The following SSBP2 variants were observed in gnomAD, a reference collection of about 807,000 sequenced individuals.
SSBP2 encodes single-stranded DNA-binding protein 2.
SSBP2 carries 17 observed loss-of-function variants against 61.8 expected under a neutral mutation model. That is an observed-to-expected ratio of 0.28 (90% CI 0.19 to 0.41). The LOEUF (loss-of-function observed/expected upper bound fraction) is 0.41, where lower values mean the gene tolerates loss of function less well. Ranked by LOEUF, SSBP2 falls within the 10% of genes least tolerant of loss-of-function variation. The pLI is 1.00. For missense variants in SSBP2, 310 were observed against 458.7 expected (o/e 0.68, Z 2.96); for synonymous variants, 139 against 141.3 (o/e 0.98, Z 0.12).
intron 10 of SSBP2, among the ~76,000 whole-genome samples, 162 bp downstream of exon 10, chr5:81,460,893 T>G (rs1363142551): frequency 6.6e-6 from 1 of 152,082 alleles, no homozygotes; most frequent in Non-Finnish European, 1.5e-5. Flanking sequence ...TTTCAAAAAA[T>G]TATGCATCTT....
chr5:81,565,219 A>G (rs776333595), intron 4 of SSBP2, among the ~76,000 whole-genome samples: 71 of 152,316 alleles, frequency 4.7e-4, no homozygotes, highest in African/African-American at 1.5e-3. Flanking sequence ...ATGGAGCACA[A>G]TATCTGAAAT....
chr5:81,740,732 T>C (rs553759431), intron 1 of SSBP2, among the ~76,000 whole-genome samples: 1 of 152,328 alleles, frequency 6.6e-6, no homozygotes, highest in East Asian at 1.9e-4. Flanking sequence ...GAGAAACAGC[T>C]CTATCTGAAA....
rs189257411 is a variant in SSBP2, at chr5:81,536,289, C to G, written c.283-22572G>C. On this transcript the variant is annotated intron_variant, in intron 4 of 16. Transcript: ENST00000320672. ...TCCTTCAAAATGCAAAAGATACAAC[C>G]ACTTTGGAAGAAAATCTGGTAACTT... 2.5e-3 allele frequency among the ~76,000 whole-genome samples: 388 copies of G among 152,160 alleles called. 2 individuals are homozygous for G. Among genetic ancestry groups the G allele is most frequent in the Non-Finnish European group, 4.5e-3 (304 of 67,994 alleles).
chr5:81,601,650 C>T (rs1008673210), intron 4 of SSBP2, among the ~76,000 whole-genome samples: 5 of 152,050 alleles, frequency 3.3e-5, no homozygotes, highest in Admixed American at 1.3e-4. Flanking sequence ...CATGTCAATC[C>T]GGCAGAATTT....
intron 4 of SSBP2, among the ~76,000 whole-genome samples, chr5:81,591,460 T>C (rs1489856817): frequency 6.6e-6 from 1 of 152,024 alleles, no homozygotes; most frequent in Non-Finnish European, 1.5e-5. Context: ...ATATAAACAC[T>C]GATACAACAA....
At chr5:81,673,251 A>C (rs181270682) in intron 1 of SSBP2, among the ~76,000 whole-genome samples, 31 of 152,352 alleles carry the variant, frequency 2.0e-4, no homozygotes, top group Middle Eastern at 3.4e-3. Flanking sequence ...CCAGATGAAA[A>C]TAATCAGACT....
intron 15 of SSBP2, among the ~76,000 whole-genome samples, chr5:81,437,226 T>G (rs1762729715): frequency 6.6e-6 from 1 of 152,112 alleles, no homozygotes; most frequent in South Asian, 2.1e-4. Context: ...TTAGCATATT[T>G]AGGAACATTC....
intron 16 of SSBP2, among the ~76,000 whole-genome samples, chr5:81,423,873 C>T (rs944990206): frequency 2.6e-5 from 4 of 152,106 alleles, no homozygotes; most frequent in African/African-American, 7.2e-5. Flanking sequence ...GCTATACATA[C>T]GCATATACTC....
chr5:81,669,743 A>C (rs1751443924), intron 1 of SSBP2, among the ~76,000 whole-genome samples: 1 of 152,088 alleles, frequency 6.6e-6, no homozygotes, highest in Non-Finnish European at 1.5e-5. Context: ...CCTATGTAAC[A>C]AACCTGCACG....
intron 5 of SSBP2, among the ~76,000 whole-genome samples, chr5:81,507,352 G>A (rs889919185): frequency 6.6e-6 from 1 of 151,960 alleles, no homozygotes; most frequent in African/African-American, 2.4e-5. Context: ...TCTTATCCAC[G>A]TCAAAGTCTT....
At chr5:81,582,497 C>A (rs1371057998) in intron 4 of SSBP2, among the ~76,000 whole-genome samples, 1 of 152,046 alleles carries the variant, frequency 6.6e-6, no homozygotes, top group East Asian at 1.9e-4. Context: ...ATGTACTTTT[C>A]ATTTATAGAA....
intron 3 of SSBP2, among the ~76,000 whole-genome samples, chr5:81,623,485 G>A (rs1375740489): frequency 2.0e-5 from 3 of 151,848 alleles, no homozygotes; most frequent in South Asian, 2.1e-4. Context: ...ACAGGCGCCC[G>A]CCACCGCGCC....
intron 1 of SSBP2, among the ~76,000 whole-genome samples, chr5:81,691,343 C>G (rs1035714784): frequency 2.0e-5 from 3 of 151,468 alleles, no homozygotes; most frequent in African/African-American, 4.8e-5. Context: ...GAGAGAAGAC[C>G]CAAATAAATG....
intron 3 of SSBP2, 110 bp downstream of exon 3, chr5:81,636,447 A>G: frequency 1.1e-6 from 1 of 912,772 alleles, no homozygotes; most frequent in South Asian, 2.9e-5. Flanking sequence ...CTTCCAGAAA[A>G]TTTTAGAAAA....
intron 10 of SSBP2, among the ~76,000 whole-genome samples, chr5:81,460,535 G>A (rs1257549497): frequency 1.3e-5 from 2 of 152,136 alleles, no homozygotes; most frequent in Admixed American, 1.3e-4. Context: ...AAATTCCCAA[G>A]ATGTCAGGTA....
At chr5:81,727,907 C>T (rs748359891) in intron 1 of SSBP2, among the ~76,000 whole-genome samples, 5 of 152,010 alleles carry the variant, frequency 3.3e-5, no homozygotes, top group Non-Finnish European at 5.9e-5. Flanking sequence ...TAAGGGAGGA[C>T]CTACTTTAGA....
At chr5:81,472,744 C>T (rs965430557) in intron 8 of SSBP2, among the ~76,000 whole-genome samples, 21 of 152,058 alleles carry the variant, frequency 1.4e-4, no homozygotes, top group African/African-American at 5.1e-4. Context: ...GGATTACAGG[C>T]ACCTGCCACC....
At position 81,615,570 on chromosome 5, in the gene SSBP2, T is replaced by A. The variant is rs779524806; in HGVS notation, c.198-13A>T. 3.2e-6 allele frequency: 5 copies of A among 1,579,588 alleles called. No individual in the cohort carries two copies. The highest frequency in any genetic ancestry group is 2.2e-5 in the East Asian group (1 of 44,608). On this transcript the variant is annotated splice_polypyrimidine_tract_variant and intron_variant, in intron 3 of 16. Coordinates refer to ENST00000320672, the MANE Select transcript of SSBP2 (RefSeq NM_012446.5). ...ATCCCAAAATACACTAAAAAAGTAA[T>A]CATGGTAACATTAAGAAAATCATAC...
At chr5:81,451,346 T>C (rs1161873849) in intron 10 of SSBP2, among the ~76,000 whole-genome samples, 2 of 150,326 alleles carry the variant, frequency 1.3e-5, no homozygotes, top group Non-Finnish European at 2.9e-5. Context: ...AAAAAAAACT[T>C]TGTTTATTTC....
Sources: allele counts gnomAD v4.1 joint callset (sites outside exome capture counted in the v4.1 genomes callset), GRCh38; gene constraint gnomAD v4.1.1; transcripts MANE v1.5; gene names NCBI Gene and HGNC (gene_info 2026-07-23, HGNC 2026-07-21).